The following CADPS2 variants were observed in gnomAD, a reference collection of about 807,000 sequenced individuals.
CADPS2 encodes calcium-dependent secretion activator 2.
In CADPS2, 93 loss-of-function variants were observed where a neutral mutation model predicts 172.5. The observed-to-expected ratio is 0.54, with a 90% confidence interval of 0.46 to 0.64. The LOEUF is 0.64. Ranked by LOEUF, CADPS2 falls within the 30% of genes least tolerant of loss-of-function variation. The probability of loss-of-function intolerance (pLI) is 0.00; values close to 1 mark genes in which losing one functional copy is unlikely to be tolerated. For missense variants in CADPS2, 1,420 were observed against 1,565.9 expected (o/e 0.91, Z 1.57); for synonymous variants, 546 against 555.2 (o/e 0.98, Z 0.23).
chr7:122,509,604 A>C lies in CADPS2; in HGVS notation c.1542+3645T>G, dbSNP rs959375981. ...TTCATGAAATGAATGATCCATAGTG[A>C]TTAATCACATATCTGTTTGTCTTCA... On this transcript the variant is annotated intron_variant, in intron 9 of 29. Coordinates refer to ENST00000449022, the MANE Select transcript of CADPS2 (RefSeq NM_017954.11). Among the ~76,000 whole-genome samples, 4 of 152,182 alleles carry C rather than the reference A, an allele frequency of 2.6e-5. No individual in the cohort carries two copies. The South Asian group carries it at 8.3e-4, about 32-fold the overall frequency.
At chr7:122,537,081 A>G (rs1307666777) in intron 8 of CADPS2, among the ~76,000 whole-genome samples, 2 of 152,000 alleles carry the variant, frequency 1.3e-5, no homozygotes, top group African/African-American at 4.8e-5. Flanking sequence ...TAGGCTTAAT[A>G]TCTAGATGAT....
intron 1 of CADPS2, among the ~76,000 whole-genome samples, chr7:122,743,873 G>A (rs1309015278): frequency 1.3e-5 from 2 of 152,108 alleles, no homozygotes; most frequent in Non-Finnish European, 2.9e-5. Flanking sequence ...TGCATCCCAA[G>A]CTGTATATCA....
chr7:122,568,256 C>A (rs1338780396), intron 7 of CADPS2, among the ~76,000 whole-genome samples: 2 of 151,714 alleles, frequency 1.3e-5, no homozygotes, highest in Non-Finnish European at 2.9e-5. Flanking sequence ...ATAACAACAA[C>A]AATAACAACA....
At chr7:122,735,383 A>C (rs762359557) in intron 2 of CADPS2, among the ~76,000 whole-genome samples, 2 of 152,092 alleles carry the variant, frequency 1.3e-5, no homozygotes, top group Non-Finnish European at 2.9e-5. Context: ...AAATTTGTGC[A>C]CTTTTTTTAT....
At chr7:122,505,657 G>A (rs918230141) in intron 9 of CADPS2, among the ~76,000 whole-genome samples, 5 of 152,090 alleles carry the variant, frequency 3.3e-5, no homozygotes, top group Admixed American at 3.3e-4. Context: ...ACAACTAACA[G>A]AGCTGTCACT....
intron 19 of CADPS2, among the ~76,000 whole-genome samples, chr7:122,408,121 T>A (rs1489861849): frequency 6.6e-6 from 1 of 152,036 alleles, no homozygotes; most frequent in African/African-American, 2.4e-5. Flanking sequence ...TTATAAGATT[T>A]TCCTGTGATT....
chr7:122,795,872 A>G (rs1350246763), intron 1 of CADPS2, among the ~76,000 whole-genome samples: 1 of 152,136 alleles, frequency 6.6e-6, no homozygotes, highest in East Asian at 1.9e-4. Context: ...CTGTCAGGCA[A>G]GAGAAAGCAA....
At chr7:122,345,930 T>G (rs912541305) in intron 27 of CADPS2, among the ~76,000 whole-genome samples, 2 of 151,564 alleles carry the variant, frequency 1.3e-5, no homozygotes, top group African/African-American at 4.8e-5. Context: ...TTTTTTTTTT[T>G]TTGTTAAATG....
rs1000446660 is a variant in CADPS2 at position 122,456,218 on chromosome 7, A to C, written c.2187-4743T>G. Among the ~76,000 whole-genome samples, 91 of 152,140 alleles carry C rather than the reference A, an allele frequency of 6.0e-4. 2 individuals are homozygous for C. The highest frequency in any genetic ancestry group is 2.9e-4 in the Non-Finnish European group (20 of 68,002). ...AATAGAATTTTTCTCCTTAGATATA[A>C]ATAAACATAATAATCCTGCTTTGAC... On this transcript the variant is annotated intron_variant, in intron 14 of 29. Coordinates refer to ENST00000449022, the MANE Select transcript of CADPS2 (RefSeq NM_017954.11).
intron 10 of CADPS2, 85 bp from the exon 11 acceptor site, chr7:122,490,366 G>T: frequency 5.0e-6 from 5 of 997,254 alleles, no homozygotes; most frequent in Non-Finnish European, 6.2e-6. Flanking sequence ...TCATGGAAAA[G>T]AATGGCTTTG....
rs1352580047 is a variant in CADPS2, at chr7:122,441,643, C to T, written c.2289-68G>A. On this transcript the variant is annotated intron_variant, in intron 15 of 29. Coordinates refer to ENST00000449022, the MANE Select transcript of CADPS2 (RefSeq NM_017954.11). ...ACCCAAGACTGCTAAATAATTCCTGCTTGTATTACTTGGCATTAATGAAGA... is the reference window on the plus strand; with the variant it reads ...ACCCAAGACTGCTAAATAATTCCTGTTTGTATTACTTGGCATTAATGAAGA... 3 of 917,380 alleles carry T rather than the reference C, an allele frequency of 3.3e-6. No homozygotes were observed. The East Asian group carries it at 8.5e-5, about 26-fold the overall frequency. 56.8% of individuals were successfully genotyped at this position (917,380 alleles called of 1,614,324 possible).
chr7:122,872,683 T>C (rs1278488556), intron 1 of CADPS2, among the ~76,000 whole-genome samples: 1 of 152,082 alleles, frequency 6.6e-6, no homozygotes, highest in Non-Finnish European at 1.5e-5. Context: ...AAATTAAGGC[T>C]CTCATCTCTT....
At chr7:122,490,039 G>A in intron 11 of CADPS2, 42 bp downstream of exon 11, 1 of 1,531,628 alleles carries the variant, frequency 6.5e-7, no homozygotes, top group Non-Finnish European at 9.0e-7. Flanking sequence ...ATCTTATTAA[G>A]GCTATTAATT....
intron 1 of CADPS2, among the ~76,000 whole-genome samples, chr7:122,817,295 C>T (rs1484750973): frequency 6.6e-6 from 1 of 152,164 alleles, no homozygotes; most frequent in African/African-American, 2.4e-5. Flanking sequence ...ACTGACCAGC[C>T]CAAGGAACAT....
intron 13 of CADPS2, among the ~76,000 whole-genome samples, chr7:122,472,791 TTTAAA>T (rs1301148490): frequency 6.6e-6 from 1 of 152,126 alleles, no homozygotes; most frequent in African/African-American, 2.4e-5. Context: ...TTGGATCAGG[TTTAAA>T]TTATACTTAA....
chr7:122,512,711 T>C (rs17144504), intron 9 of CADPS2, among the ~76,000 whole-genome samples: 33,700 of 152,048 alleles, frequency 0.22, 4,606 homozygotes, highest in East Asian at 0.35. Context: ...TTAGTACAAA[T>C]ATATTTATAT....
At chr7:122,557,540 G>A (rs534147181) in intron 7 of CADPS2, among the ~76,000 whole-genome samples, 1 of 152,138 alleles carries the variant, frequency 6.6e-6, no homozygotes, top group South Asian at 2.1e-4. Context: ...GGCAGAATGG[G>A]GAGGGAAGAT....
intron 28 of CADPS2, among the ~76,000 whole-genome samples, chr7:122,333,453 C>G (rs969698920): frequency 1.3e-5 from 2 of 152,136 alleles, no homozygotes; most frequent in Non-Finnish European, 2.9e-5. Context: ...GGTGCAGTCC[C>G]CCAGGAACCT....
At chr7:122,592,422 C>T (rs1210260110) in intron 6 of CADPS2, among the ~76,000 whole-genome samples, 1 of 152,092 alleles carries the variant, frequency 6.6e-6, no homozygotes, top group Non-Finnish European at 1.5e-5. Context: ...TTGTGGAAGA[C>T]AGTGTGGCAA....
Sources: gnomAD v4.1 joint callset for allele counts (sites outside exome capture counted in the v4.1 genomes callset) on GRCh38, gnomAD v4.1.1 for gene constraint, MANE v1.5 for transcripts, NCBI Gene and HGNC (gene_info 2026-07-23, HGNC 2026-07-21) for gene names.